Variants in APOC1 observed in about 807,000 individuals in gnomAD.
The protein encoded by APOC1 is apolipoprotein C-I.
Under a neutral mutation model 6.7 loss-of-function variants are expected in APOC1, and 4 were observed. The ratio of observed to expected loss-of-function variants is 0.60; its 90% confidence interval spans 0.29 to 1.37. APOC1 has a LOEUF of 1.37. Ranked by LOEUF, APOC1 falls within the 40% of genes most tolerant of loss-of-function variation. The pLI is 0.09. For missense variants in APOC1, 122 were observed against 99.4 expected, an observed-to-expected ratio of 1.23 and a Z score of -0.97; for synonymous variants, 33 against 40.6, an observed-to-expected ratio of 0.81 and a Z score of 0.72.
At chr19:44,918,768 TCCTG>T (rs1970052721) in intron 3 of APOC1, 1 of 170,538 alleles carries the variant, frequency 5.9e-6, no homozygotes, top group Non-Finnish European at 1.2e-5. Context: ...CAGGCAATTC[TCCTG>T]CCTCAGCCTC....
At position 44,914,898 on chromosome 19, in the gene APOC1, C is replaced by T. The variant is rs145422421; in HGVS notation, c.7C>T (p.Leu3Phe). MRLFLSLPVLVVV... is the reference protein window; with the variant it reads MRFFLSLPVLVVV... ...GTGCCCCTCCGGCCTCGCCATGAGG[C>T]TCTTCCTGTCGCTCCCGGTCCTGGT... Residue 3 changes from leucine to phenylalanine, a missense_variant, in exon 2 of 4, where the codon CTC (leucine) becomes TTC (phenylalanine). By Grantham distance (22) the Leu-to-Phe change is conservative. Coordinates refer to ENST00000592535, the MANE Select transcript of APOC1 (RefSeq NM_001645.5). The T allele has an allele frequency of 3.8e-5, 61 of 1,613,688 alleles. No homozygotes were observed. The African/African-American group carries it at 4.9e-4, about 13-fold the overall frequency.
At position 44,919,330 on chromosome 19, in the gene APOC1, A is replaced by C. The variant is rs12721054; in HGVS notation, c.*100A>C. ...CCATGTGGCCCCAGGTGCCACCAATAAAAATCCTACAGAAAATTCTCTCCT... is the reference window on the plus strand; with the variant it reads ...CCATGTGGCCCCAGGTGCCACCAATCAAAATCCTACAGAAAATTCTCTCCT... On this transcript the variant is annotated 3_prime_UTR_variant, in exon 4 of 4. Transcript: ENST00000592535. 3.7e-6 allele frequency: 4 copies of C among 1,079,166 alleles called. No individual in the cohort carries two copies. In the Admixed American group the frequency reaches 7.6e-5, roughly 20 times the overall value. The allele number at this position is 1,079,166 out of a possible 1,614,324, so 66.8% of individuals were successfully genotyped here. A position where few individuals can be genotyped will look rare whatever the true frequency, so the allele number is the denominator to read the frequency against.
At chr19:44,918,263 A>C (rs938979983) in intron 3 of APOC1, among the ~76,000 whole-genome samples, 3 of 149,038 alleles carry the variant, frequency 2.0e-5, no homozygotes, top group Admixed American at 6.7e-5. Flanking sequence ...GCGAAACTCC[A>C]TCTCAAAAAA....
chr19:44,917,126 G>A (rs1409366149), intron 3 of APOC1, among the ~76,000 whole-genome samples: 1 of 152,148 alleles, frequency 6.6e-6, no homozygotes, highest in African/African-American at 2.4e-5. Flanking sequence ...ATAAACTGGT[G>A]GTTCTACAGG....
Position 44,914,905 on chromosome 19 carries a change from T to A in APOC1, c.14T>A (p.Leu5Gln). 1.2e-6 allele frequency: 2 copies of A among 1,613,834 alleles called. No homozygotes were observed. Among genetic ancestry groups the A allele is most frequent in the East Asian group, 2.2e-5 (1 of 44,868 alleles). Residue 5 changes from leucine to glutamine, a missense_variant, in exon 2 of 4, where the codon CTG becomes CAG. Leu to Gln is a moderately radical substitution (Grantham distance 113). Transcript: ENST00000592535. ...TCCGGCCTCGCCATGAGGCTCTTCC[T>A]GTCGCTCCCGGTCCTGGTGGTGGTT... Reference protein sequence around the residue: MRLFLSLPVLVVVLS... With the variant: MRLFQSLPVLVVVLS...
In APOC1 at chr19:44,914,627, CAGG is replaced by C. The variant is rs1969970874; in HGVS notation, c.-120_-118del. On this transcript the variant is annotated 5_prime_UTR_variant, in exon 1 of 4. Transcript: ENST00000592535. Reference sequence around the variant, plus strand: ...GGAGGCAGGCGGTCAGGGGAAGGCTCAGGAGGAGGGAGATCAACATCAACCTGC... The same window carrying C: ...GGAGGCAGGCGGTCAGGGGAAGGCTCAGGAGGGAGATCAACATCAACCTGC... 4 of 499,412 alleles carry C rather than the reference CAGG, an allele frequency of 8.0e-6. No individual in the cohort carries two copies. Among genetic ancestry groups the C allele is most frequent in the Non-Finnish European group, 1.5e-5 (4 of 274,768 alleles). 30.9% of individuals were successfully genotyped at this position (499,412 alleles called of 1,614,324 possible). A position where few individuals can be genotyped will look rare whatever the true frequency, so the allele number is the denominator to read the frequency against.
intron 3 of APOC1, among the ~76,000 whole-genome samples, chr19:44,917,312 A>C (rs972034206): frequency 6.6e-6 from 1 of 151,598 alleles, no homozygotes; most frequent in African/African-American, 2.4e-5. Flanking sequence ...ACAGTGAAGA[A>C]CGTGCCGAGC....
chr19:44,916,515 A>G, intron 3 of APOC1, 190 bp downstream of exon 3: 1 of 748,176 alleles, frequency 1.3e-6, no homozygotes, highest in Non-Finnish European at 2.1e-6. Context: ...CATCCAGGCC[A>G]TATTTTAAAA....
At chr19:44,916,510 A>G (rs1428057913) in intron 3 of APOC1, 185 bp downstream of exon 3, 1 of 763,262 alleles carries the variant, frequency 1.3e-6, no homozygotes, top group East Asian at 2.9e-5. Flanking sequence ...ACTCCCATCC[A>G]GGCCATATTT....
chr19:44,919,302 C>A lies in APOC1; in HGVS notation c.*72C>A. On this transcript the variant is annotated 3_prime_UTR_variant, in exon 4 of 4. Coordinates refer to ENST00000592535, the MANE Select transcript of APOC1 (RefSeq NM_001645.5). ...ACCCCAGCGCCTGTGCTGAGGACTC[C>A]CTCCATGTGGCCCCAGGTGCCACCA... 7.4e-7 allele frequency: 1 copy of A among 1,345,190 alleles called. No individual in the cohort carries two copies. Among genetic ancestry groups the A allele is most frequent in the Admixed American group, 1.8e-5 (1 of 56,088 alleles). 83.3% of individuals were successfully genotyped at this position (1,345,190 alleles called of 1,614,324 possible).
chr19:44,915,409 C>T (rs1251367551), intron 2 of APOC1, among the ~76,000 whole-genome samples: 1 of 150,936 alleles, frequency 6.6e-6, no homozygotes, highest in African/African-American at 2.4e-5. Context: ...CTGCAAGCTC[C>T]GCCTCCCTGG....
At chr19:44,917,621 CAGGG>C (rs1161341403) in intron 3 of APOC1, among the ~76,000 whole-genome samples, 1 of 134,480 alleles carries the variant, frequency 7.4e-6, no homozygotes, top group East Asian at 2.1e-4. Flanking sequence ...AAAAGAAAGA[CAGGG>C]AGGGAGGGAG....
At chr19:44,914,802 G>A in intron 1 of APOC1, 69 bp downstream of exon 1, 2 of 1,329,674 alleles carry the variant, frequency 1.5e-6, no homozygotes, top group Non-Finnish European at 2.1e-6. Context: ...GGAGATGAGG[G>A]GATCGTGGGA....
intron 3 of APOC1, among the ~76,000 whole-genome samples, chr19:44,917,514 G>A (rs960822788): frequency 1.3e-5 from 2 of 152,054 alleles, no homozygotes; most frequent in African/African-American, 2.4e-5. Context: ...GGAGATCTAG[G>A]CTGCAGTGCG....
At chr19:44,915,111 C>T in intron 2 of APOC1, 162 bp downstream of exon 2, 1 of 704,286 alleles carries the variant, frequency 1.4e-6, no homozygotes, top group Non-Finnish European at 2.4e-6. Context: ...CTCCCAGGCT[C>T]AGTCCCGCAG....
chr19:44,919,005 C>T (rs923907444), intron 3 of APOC1, 168 bp from the exon 4 acceptor site: 27 of 683,064 alleles, frequency 4.0e-5, no homozygotes, highest in Non-Finnish European at 6.8e-5. Flanking sequence ...ATCTGGGAAA[C>T]TGAGGCACAG....
At chr19:44,914,446 A>C (rs373174387), upstream of APOC1, 24 of 167,998 alleles carry the variant, frequency 1.4e-4, 1 homozygote, top group South Asian at 3.7e-3. Flanking sequence ...GGGGAAAGGG[A>C]CTAAGGTGGT....
intron 2 of APOC1, chr19:44,915,210 G>C (rs1969982633): frequency 1.9e-6 from 1 of 531,052 alleles, no homozygotes; most frequent in Non-Finnish European, 3.4e-6. Flanking sequence ...CGACAGCCTT[G>C]AAAGTGGGTA....
Position 44,919,293 on chromosome 19 carries a change from T to C in APOC1, c.*63T>C. 2 of 1,455,906 alleles carry C rather than the reference T, an allele frequency of 1.4e-6. No homozygotes were observed. The highest frequency in any genetic ancestry group is 1.9e-6 in the Non-Finnish European group (2 of 1,038,902). The allele number at this position is 1,455,906 out of a possible 1,614,324, so 90.2% of individuals were successfully genotyped here. A position where few individuals can be genotyped will look rare whatever the true frequency, so the allele number is the denominator to read the frequency against. On this transcript the variant is annotated 3_prime_UTR_variant, in exon 4 of 4. Transcript: ENST00000592535. Reference sequence around the variant, plus strand: ...ATTTCCCACACCCCAGCGCCTGTGCTGAGGACTCCCTCCATGTGGCCCCAG... The same window carrying C: ...ATTTCCCACACCCCAGCGCCTGTGCCGAGGACTCCCTCCATGTGGCCCCAG...
Sources: allele counts gnomAD v4.1 joint callset (sites outside exome capture counted in the v4.1 genomes callset), GRCh38; gene constraint gnomAD v4.1.1; transcripts MANE v1.5; gene names NCBI Gene and HGNC (gene_info 2026-07-23, HGNC 2026-07-21).